The following MB21D2 variants were observed in gnomAD, a reference collection of about 807,000 sequenced individuals.
MB21D2 encodes the protein Mab-21 domain containing 2.
MB21D2 carries 9 observed loss-of-function variants against 33.3 expected under a neutral mutation model. That is an observed-to-expected ratio of 0.27 (90% CI 0.16 to 0.47). The LOEUF (loss-of-function observed/expected upper bound fraction) is 0.47, where lower values mean the gene tolerates loss of function less well. Among genes scored for constraint, MB21D2 ranks in the 20% least tolerant of loss-of-function variants. The pLI is 0.99. For missense variants in MB21D2, 540 were observed against 624.6 expected (o/e 0.86, Z 1.44); for synonymous variants, 241 against 236.3 (o/e 1.02, Z -0.18).
chr3:192,812,879 G>A (rs371464929), intron 1 of MB21D2, among the ~76,000 whole-genome samples: 33 of 152,040 alleles, frequency 2.2e-4, no homozygotes, highest in African/African-American at 4.4e-4. Context: ...TGATGCATAC[G>A]TGGAGAACCT....
At chr3:192,907,130 A>T (rs1244665536) in intron 1 of MB21D2, among the ~76,000 whole-genome samples, 2 of 151,658 alleles carry the variant, frequency 1.3e-5, no homozygotes, top group Non-Finnish European at 2.9e-5. Flanking sequence ...TTTCCTGGAA[A>T]CAGGGCCTCA....
rs954941570 is a variant in MB21D2 at position 192,906,547 on chromosome 3, G to GGCT, written c.211+11080_211+11082dup. Among the ~76,000 whole-genome samples the GGCT allele has an allele frequency of 3.9e-4, 60 of 152,140 alleles. 1 individual carries two copies. The highest frequency in any genetic ancestry group is 3.7e-4 in the Non-Finnish European group (25 of 68,022). On this transcript the variant is annotated intron_variant, in intron 1 of 1. Transcript: ENST00000392452. ...ATACACTTCCACCCAGTCTTCAGAT[G>GGCT]GCTGCTGCTGCTGCTGCTTCCATTT...
intron 1 of MB21D2, among the ~76,000 whole-genome samples, chr3:192,856,681 G>A (rs1425140786): frequency 1.3e-5 from 2 of 152,094 alleles, no homozygotes; most frequent in Admixed American, 6.5e-5. Flanking sequence ...AGCCTCCGAA[G>A]TAGCTGGACT....
chr3:192,917,230 C>T (rs748187397), intron 1 of MB21D2, among the ~76,000 whole-genome samples: 6 of 152,210 alleles, frequency 3.9e-5, no homozygotes, highest in Non-Finnish European at 8.8e-5. Flanking sequence ...GTCGGGAAAG[C>T]GGAGGTCCCT....
intron 1 of MB21D2, among the ~76,000 whole-genome samples, chr3:192,837,640 G>A (rs894750959): frequency 6.6e-6 from 1 of 152,212 alleles, no homozygotes; most frequent in Non-Finnish European, 1.5e-5. Flanking sequence ...ATCCCTGAAT[G>A]AGTCTGGGCC....
chr3:192,904,488 A>G (rs1406097094), intron 1 of MB21D2, among the ~76,000 whole-genome samples: 1 of 152,188 alleles, frequency 6.6e-6, no homozygotes, highest in Non-Finnish European at 1.5e-5. Flanking sequence ...CAACATCTAA[A>G]GTTCTATCAG....
intron 1 of MB21D2, among the ~76,000 whole-genome samples, chr3:192,818,440 T>TA (rs67428773): frequency 7.9e-5 from 12 of 151,932 alleles, no homozygotes; most frequent in Non-Finnish European, 1.3e-4. Context: ...AACTAGCAGC[T>TA]AAAAAAAATG....
Position 192,861,699 on chromosome 3 carries a change from G to A in MB21D2, c.211+55931C>T, listed in dbSNP as rs1002066985. Among the ~76,000 whole-genome samples, 41 of 152,330 alleles carry A rather than the reference G, an allele frequency of 2.7e-4. 1 individual carries two copies. The East Asian group carries it at 5.4e-3, about 20-fold the overall frequency. On this transcript the variant is annotated intron_variant, in intron 1 of 1. Transcript: ENST00000392452. ...CATGCCTGTAATCCCAGCTACTCGGGAGGCTAAGGCAGGAGAATCACTTGA... is the reference window on the plus strand; with the variant it reads ...CATGCCTGTAATCCCAGCTACTCGGAAGGCTAAGGCAGGAGAATCACTTGA...
chr3:192,836,166 T>C lies in MB21D2; in HGVS notation c.212-36516A>G, dbSNP rs538958447. Among the ~76,000 whole-genome samples, 10 of 152,336 alleles carry C rather than the reference T, an allele frequency of 6.6e-5. No homozygotes were observed. In the South Asian group the frequency reaches 2.1e-3, roughly 32 times the overall value. On this transcript the variant is annotated intron_variant, in intron 1 of 1. Transcript: ENST00000392452. ...TTTAATATTAAATAGAGGGCATTCC[T>C]TGAAGGTAGCATTCTGTGACTCCCT...
intron 1 of MB21D2, among the ~76,000 whole-genome samples, chr3:192,801,970 G>T (rs1280944955): frequency 6.6e-6 from 1 of 152,158 alleles, no homozygotes; most frequent in Non-Finnish European, 1.5e-5. Flanking sequence ...ACATTATAGT[G>T]TCAACAATTC....
At chr3:192,817,167 T>C (rs1711944903) in intron 1 of MB21D2, among the ~76,000 whole-genome samples, 1 of 152,238 alleles carries the variant, frequency 6.6e-6, no homozygotes. Flanking sequence ...TATTTAGTAA[T>C]GTAGTCATGT....
chr3:192,814,687 C>A (rs1376534858), intron 1 of MB21D2, among the ~76,000 whole-genome samples: 2 of 150,176 alleles, frequency 1.3e-5, no homozygotes, highest in Non-Finnish European at 2.9e-5. Context: ...ACGGTGAAAC[C>A]CTGTCTCTAC....
chr3:192,829,231 C>T (rs1477263313), intron 1 of MB21D2, among the ~76,000 whole-genome samples: 1 of 152,190 alleles, frequency 6.6e-6, no homozygotes, highest in Non-Finnish European at 1.5e-5. Context: ...TTTGTTGATT[C>T]ATCAATAGCT....
intron 1 of MB21D2, among the ~76,000 whole-genome samples, chr3:192,848,321 A>G (rs1002891805): frequency 2.0e-5 from 3 of 152,222 alleles, no homozygotes; most frequent in African/African-American, 4.8e-5. Context: ...CTATCCCACA[A>G]ATCTCTAATG....
intron 1 of MB21D2, among the ~76,000 whole-genome samples, chr3:192,903,518 T>C (rs1279304838): frequency 5.9e-5 from 9 of 152,238 alleles, no homozygotes; most frequent in African/African-American, 1.9e-4. Context: ...TGCCTAAAGC[T>C]AGACTTCTTG....
chr3:192,827,110 A>T (rs1284962872), intron 1 of MB21D2, among the ~76,000 whole-genome samples: 2 of 151,910 alleles, frequency 1.3e-5, no homozygotes, highest in Non-Finnish European at 2.9e-5. Flanking sequence ...GTTAGCCAGG[A>T]TGGTCTCGAT....
intron 1 of MB21D2, among the ~76,000 whole-genome samples, chr3:192,887,235 C>G (rs1293809615): frequency 6.6e-6 from 1 of 152,106 alleles, no homozygotes; most frequent in East Asian, 1.9e-4. Flanking sequence ...CAGCCTCAAA[C>G]TGCTGGATTC....
intron 1 of MB21D2, among the ~76,000 whole-genome samples, chr3:192,862,024 G>C (rs1713056090): frequency 6.6e-6 from 1 of 152,164 alleles, no homozygotes; most frequent in East Asian, 1.9e-4. Flanking sequence ...ACAGTACAAT[G>C]CTCAAGGAAC....
chr3:192,915,685 A>G (rs1397726446), intron 1 of MB21D2, among the ~76,000 whole-genome samples: 1 of 152,324 alleles, frequency 6.6e-6, no homozygotes, highest in African/African-American at 2.4e-5. Context: ...CACATGCAAA[A>G]ATTAAGCACC....
Sources: gnomAD v4.1 joint callset for allele counts (sites outside exome capture counted in the v4.1 genomes callset) on GRCh38, gnomAD v4.1.1 for gene constraint, MANE v1.5 for transcripts, NCBI Gene and HGNC (gene_info 2026-07-23, HGNC 2026-07-21) for gene names.